PSG11: variants seen among roughly 807,000 people sequenced by gnomAD.
PSG11 encodes the protein pregnancy-specific beta-1-glycoprotein 11.
In PSG11, 42 loss-of-function variants were observed where a neutral mutation model predicts 36.0. The observed-to-expected ratio is 1.17, with a 90% CI of 0.91 to 1.51. The LOEUF (loss-of-function observed/expected upper bound fraction) is 1.51. Ranked by LOEUF, PSG11 falls within the 40% of genes most tolerant of loss-of-function variation. The pLI, the probability that PSG11 is intolerant of heterozygous loss-of-function variation, is 0.00. For missense variants in PSG11, 558 were observed against 403.5 expected (o/e 1.38, Z -3.28); for synonymous variants, 206 against 153.5 (o/e 1.34, Z -2.53).
chr19:43,010,555 GC>G, intron 4 of PSG11: 1 of 513,642 alleles, frequency 1.9e-6, no homozygotes. Context: ...TCTCTTTAAC[GC>G]TAATGGGTGA....
chr19:43,010,448 G>A (rs1974044806), intron 4 of PSG11: 1 of 1,384,470 alleles, frequency 7.2e-7, no homozygotes, highest in Non-Finnish European at 1.0e-6. Flanking sequence ...GAAGGCCCAG[G>A]TCAGTGCATT....
intron 4 of PSG11, among the ~76,000 whole-genome samples, chr19:43,011,713 C>A (rs1328219774): frequency 6.6e-6 from 1 of 150,914 alleles, no homozygotes; most frequent in Non-Finnish European, 1.5e-5. Flanking sequence ...TGGGGAGATA[C>A]TGTCTCTACA....
At chr19:43,010,251 A>C in intron 4 of PSG11, 1 of 1,454,332 alleles carries the variant, frequency 6.9e-7, no homozygotes, top group South Asian at 1.5e-5. Context: ...GTCCTCTGTC[A>C]ATTCTCTACT....
At position 43,007,892 on chromosome 19, in the gene PSG11, A is replaced by C. The variant is rs1363466119; in HGVS notation, c.*191T>G. 1.3e-5 allele frequency: 5 copies of C among 379,426 alleles called. No homozygotes were observed. Among genetic ancestry groups the C allele is most frequent in the Non-Finnish European group, 2.5e-5 (5 of 202,670 alleles). The allele number at this position is 379,426 out of a possible 1,614,324, so 23.5% of individuals were successfully genotyped here. A position where few individuals can be genotyped will look rare whatever the true frequency, so the allele number is the denominator to read the frequency against. On this transcript the variant is annotated 3_prime_UTR_variant, in exon 6 of 6. Transcript: ENST00000320078. ...TATCCTTTTGTTATTTAGTCCAATG[A>C]AATGGAGTTCTTTTCTTCTTTGTCT...
intron 4 of PSG11, 83 bp from the exon 5 acceptor site, chr19:43,010,124 A>T: frequency 1.3e-6 from 2 of 1,537,528 alleles, no homozygotes; most frequent in South Asian, 2.3e-5. Flanking sequence ...ATGTAACATG[A>T]GATACTGTAT....
rs915020807 is a variant in PSG11, at chr19:43,026,381, C to A, written c.-9G>T. On this transcript the variant is annotated 5_prime_UTR_variant, in exon 1 of 6. Transcript: ENST00000320078. ...GCTGAGAGGGGCCCCATGATCTCTG[C>A]TGCGTGCATGTTCTCCTCTGTGGAG... The A allele has an allele frequency of 6.2e-7, 1 of 1,608,820 alleles. No individual in the cohort carries two copies. Among genetic ancestry groups the A allele is most frequent in the Non-Finnish European group, 8.5e-7 (1 of 1,177,100 alleles).
chr19:43,014,837 G>A (rs1206398140), intron 4 of PSG11: 4 of 1,316,238 alleles, frequency 3.0e-6, no homozygotes, highest in Admixed American at 3.0e-5. Context: ...TCTCCTTCTT[G>A]TCCCTCTGTG....
intron 3 of PSG11, chr19:43,015,727 T>C (rs538821151): frequency 1.9e-6 from 3 of 1,605,120 alleles, no homozygotes; most frequent in Non-Finnish European, 2.6e-6. Flanking sequence ...GTCGTTTGGA[T>C]TTAAGCTGGT....
At chr19:43,010,338 C>G (rs554434543) in intron 4 of PSG11, 2 of 1,522,562 alleles carry the variant, frequency 1.3e-6, no homozygotes, top group East Asian at 4.8e-5. Context: ...AACTTGTCAC[C>G]TTTGCACCTT....
At chr19:43,013,764 C>T (rs1966888829) in intron 4 of PSG11, among the ~76,000 whole-genome samples, 1 of 151,334 alleles carries the variant, frequency 6.6e-6, no homozygotes, top group Non-Finnish European at 1.5e-5. Context: ...AGCAATTCCA[C>T]TTCTGGACAT....
chr19:43,015,063 C>T lies in PSG11; in HGVS notation c.964+53G>A, dbSNP rs1176639015. The T allele has an allele frequency of 1.9e-6, 3 of 1,610,052 alleles. No individual in the cohort carries two copies. In the African/African-American group the frequency reaches 4.0e-5, roughly 22 times the overall value. On this transcript the variant is annotated intron_variant, in intron 4 of 5. Transcript: ENST00000320078. ...TGTTTTCCTGACTCTTCTCTGAAAG[C>T]TAGATAGACTCCACCTAAAACCCTA...
chr19:43,026,260 G>C (rs1168136207), intron 1 of PSG11, 49 bp downstream of exon 1: 1 of 1,606,292 alleles, frequency 6.2e-7, no homozygotes, highest in Admixed American at 1.7e-5. Flanking sequence ...ACCCCATCCA[G>C]TCACTCTGCT....
At chr19:43,024,189 A>C (rs1261214358) in intron 2 of PSG11, among the ~76,000 whole-genome samples, 2 of 151,408 alleles carry the variant, frequency 1.3e-5, no homozygotes, top group Non-Finnish European at 2.9e-5. Flanking sequence ...CACAGTCCTC[A>C]GACAGCTGGT....
At chr19:43,010,865 G>C (rs1373586955) in intron 4 of PSG11, among the ~76,000 whole-genome samples, 1 of 142,410 alleles carries the variant, frequency 7.0e-6, no homozygotes, top group Admixed American at 7.2e-5. Flanking sequence ...CCTTGTTCTA[G>C]TGTTTTATGT....
At chr19:43,019,971 G>A (rs1368454130) in intron 2 of PSG11, among the ~76,000 whole-genome samples, 1 of 151,416 alleles carries the variant, frequency 6.6e-6, no homozygotes, top group Non-Finnish European at 1.5e-5. Flanking sequence ...AAGAAGTCTT[G>A]CAGATACTTT....
chr19:43,018,941 A>G lies in PSG11; in HGVS notation c.538T>C (p.Trp180Arg), dbSNP rs564917182. 1 of 1,612,098 alleles carries G rather than the reference A, an allele frequency of 6.2e-7. No individual in the cohort carries two copies. The highest frequency in any genetic ancestry group is 1.3e-5 in the African/African-American group (1 of 74,484). Residue 180 changes from tryptophan (W) to arginine (R), a missense_variant, in exon 3 of 6, where the codon TGG (tryptophan) becomes CGG (arginine). By Grantham distance (101) the Trp-to-Arg change is moderately radical (BLOSUM62 -3). Transcript: ENST00000320078. ...GGGAGGCTCTGACCATTCATCCACC[A>G]CAGGTAGCTTGCGTCCGGAGTCTCA... Reference protein sequence around the residue: ...NPETPDASYLWWMNGQSLPMT... With the variant: ...NPETPDASYLRWMNGQSLPMT...
Position 43,024,769 on chromosome 19 carries a change from C to G in PSG11, c.352G>C (p.Gly118Arg), listed in dbSNP as rs558961472. The G allele has an allele frequency of 9.1e-5, 146 of 1,611,888 alleles. 5 individuals are homozygous for G. In the South Asian group the frequency reaches 1.1e-3, roughly 13 times the overall value. ...TTTATGATGTGTAAGGTGTAGGATC[C>G]TGCGTCCTCCCGGGTGACATTCTGG... ...LIQNVTREDA[G>R]SYTLHIIKRG... Residue 118 changes from glycine (G) to arginine (R), a missense_variant, in exon 2 of 6, where the codon GGA becomes CGA. Physicochemically the swap from Gly to Arg is moderately radical, Grantham distance 125 (BLOSUM62 -2). Transcript: ENST00000320078.
In PSG11 at chr19:43,015,653, C is replaced by T. The variant is rs1052188139; in HGVS notation, c.710-283G>A. 10 of 1,527,906 alleles carry T rather than the reference C, an allele frequency of 6.5e-6. No individual in the cohort carries two copies. The African/African-American group carries it at 7.0e-5, about 11-fold the overall frequency. The allele number at this position is 1,527,906 out of a possible 1,614,324, so 94.6% of individuals were successfully genotyped here. ...CCAGGGCAGGGAGTCATGGCCACCT[C>T]GGATGTCCAAAAGTAAAGGTGTCTG... On this transcript the variant is annotated intron_variant, in intron 3 of 5. Coordinates refer to ENST00000320078, the MANE Select transcript of PSG11 (RefSeq NM_002785.3).
At chr19:43,016,533 C>T (rs1402699278) in intron 3 of PSG11, among the ~76,000 whole-genome samples, 1 of 151,368 alleles carries the variant, frequency 6.6e-6, no homozygotes, top group Non-Finnish European at 1.5e-5. Context: ...AGATACTGAG[C>T]AGCCTGGCCT....
Sources: gnomAD v4.1 joint callset for allele counts (sites outside exome capture counted in the v4.1 genomes callset) on GRCh38, gnomAD v4.1.1 for gene constraint, MANE v1.5 for transcripts, NCBI Gene and HGNC (gene_info 2026-07-23, HGNC 2026-07-21) for gene names.